Variants in ZNF100 observed in about 807,000 individuals in gnomAD.
ZNF100 encodes zinc finger protein 100.
In ZNF100, 12 loss-of-function variants were observed where a neutral mutation model predicts 15.8. The observed-to-expected ratio is 0.76, with a 90% confidence interval of 0.49 to 1.23. The LOEUF is 1.23. Among genes scored for constraint, ZNF100 ranks in the 50% most tolerant of loss-of-function variants. ZNF100 has a pLI of 0.00. For missense variants in ZNF100, 670 were observed against 635.6 expected (o/e 1.05, Z -0.58); for synonymous variants, 226 against 214.8 (o/e 1.05, Z -0.45).
At chr19:21,758,033 TA>T (rs879575684) in intron 2 of ZNF100, among the ~76,000 whole-genome samples, 28 of 150,824 alleles carry the variant, frequency 1.9e-4, no homozygotes, top group African/African-American at 5.9e-4. Flanking sequence ...GACACTGTCT[TA>T]AAAAAAAATA....
chr19:21,766,242 T>C (rs1280169656), intron 1 of ZNF100, among the ~76,000 whole-genome samples: 1 of 152,056 alleles, frequency 6.6e-6, no homozygotes, highest in Non-Finnish European at 1.5e-5. Context: ...GGAAATTTAG[T>C]ATCTTACTGC....
intron 4 of ZNF100, among the ~76,000 whole-genome samples, chr19:21,740,070 A>AAT (rs1160382358): frequency 6.6e-6 from 1 of 152,160 alleles, no homozygotes; most frequent in African/African-American, 2.4e-5. Flanking sequence ...ATACTTCCCG[A>AAT]TTTTAAAACA....
rs1406755669 is a variant in ZNF100 at position 21,725,206 on chromosome 19, G to C, written c.*1477C>G. 6.6e-6 allele frequency: 1 copy of C among 152,068 alleles called. No individual in the cohort carries two copies. The highest frequency in any genetic ancestry group is 1.5e-5 in the Non-Finnish European group (1 of 68,016). The allele number at this position is 152,068 out of a possible 1,614,324, so 9.4% of individuals were successfully genotyped here. On this transcript the variant is annotated 3_prime_UTR_variant, in exon 5 of 5. Transcript: ENST00000358296. ...GTTACCATGTTTTACGTACACCCTT[G>C]AGTAAGGTGGAATAGGTTAATGTCT...
At chr19:21,766,594 TTTC>T (rs1191680610) in intron 1 of ZNF100, among the ~76,000 whole-genome samples, 1 of 152,092 alleles carries the variant, frequency 6.6e-6, no homozygotes, top group African/African-American at 2.4e-5. Flanking sequence ...TAAATTTAGT[TTTC>T]TTCATCATAC....
intron 2 of ZNF100, among the ~76,000 whole-genome samples, chr19:21,760,691 C>A (rs1359839003): frequency 6.7e-6 from 1 of 148,686 alleles, no homozygotes; most frequent in East Asian, 2.0e-4. Flanking sequence ...GATAGGTGTT[C>A]TTAAATGCAA....
In ZNF100 at chr19:21,736,151, G is replaced by A. The variant is rs142755505; in HGVS notation, c.322+7866C>T. On this transcript the variant is annotated intron_variant, in intron 4 of 4. Transcript: ENST00000358296. ...TGCCCATGCTAGAGTGCAATGGCGC[G>A]ATCTTGGCTCACTGCAACCTTCACT... Among the ~76,000 whole-genome samples the A allele has an allele frequency of 3.7e-3, 564 of 151,896 alleles. 1 individual carries two copies. The highest frequency in any genetic ancestry group is 6.8e-3 in the Non-Finnish European group (464 of 67,988).
At position 21,723,373 on chromosome 19, in the gene ZNF100, A is replaced by AAAAAAAAAAAC. The variant is rs2035715913; in HGVS notation, c.*3299_*3309dup. ...GAGACTCTGTCTCAAAAAAAAAAAA[A>AAAAAAAAAAAC]AAAAAAAAAACAACCAACTTTCTCG... On this transcript the variant is annotated 3_prime_UTR_variant, in exon 5 of 5. Coordinates refer to ENST00000358296, the MANE Select transcript of ZNF100 (RefSeq NM_173531.4). 1 of 151,448 alleles carries AAAAAAAAAAAC rather than the reference A, an allele frequency of 6.6e-6. No individual in the cohort carries two copies. The highest frequency in any genetic ancestry group is 6.7e-5 in the Admixed American group (1 of 14,996). 9.4% of individuals were successfully genotyped at this position (151,448 alleles called of 1,614,324 possible).
chr19:21,737,002 A>C (rs949443947), intron 4 of ZNF100, among the ~76,000 whole-genome samples: 1 of 152,132 alleles, frequency 6.6e-6, no homozygotes, highest in African/African-American at 2.4e-5. Flanking sequence ...CCAAGAGCAA[A>C]CAAACCCCAA....
chr19:21,734,361 G>A (rs1441566249), intron 4 of ZNF100, among the ~76,000 whole-genome samples: 3 of 152,022 alleles, frequency 2.0e-5, no homozygotes, highest in African/African-American at 7.3e-5. Context: ...AGTTTAGAGA[G>A]GAACATAAAC....
chr19:21,765,563 A>T, intron 2 of ZNF100, 131 bp downstream of exon 2: 1 of 757,404 alleles, frequency 1.3e-6, no homozygotes, highest in South Asian at 1.9e-5. Context: ...CCCCCCTTAG[A>T]TGATCCAGGG....
intron 2 of ZNF100, among the ~76,000 whole-genome samples, chr19:21,760,793 G>C (rs1034539536): frequency 4.1e-5 from 5 of 121,878 alleles, no homozygotes; most frequent in Admixed American, 1.1e-4. Flanking sequence ...GTCTCACTCT[G>C]TCGCCCAGGC....
Position 21,727,646 on chromosome 19 carries a change from T to C in ZNF100, c.666A>G (p.Gln222=), listed in dbSNP as rs2035832568. The C allele has an allele frequency of 1.9e-6, 3 of 1,611,854 alleles. No individual in the cohort carries two copies. Among genetic ancestry groups the C allele is most frequent in the Non-Finnish European group, 1.7e-6 (2 of 1,179,348 alleles). The change falls in exon 5 of 5, where the codon CAA becomes CAG. Residue 222 remains glutamine (Q), a synonymous_variant. Transcript: ENST00000358296. ...TCTCTGTAATATGAAATCTTTTATG[T>C]TGAGTTAGGTGTAAAAGCATGCAAA... The part of the protein sequence containing the change: ...KSFCMLLHLT[Q]HKRFHITENS...
intron 4 of ZNF100, among the ~76,000 whole-genome samples, chr19:21,733,497 G>A (rs1197286861): frequency 6.6e-6 from 1 of 152,038 alleles, no homozygotes; most frequent in Non-Finnish European, 1.5e-5. Flanking sequence ...ATCAAAGCAA[G>A]TCACAACAAA....
chr19:21,734,567 C>A (rs1006309293), intron 4 of ZNF100, among the ~76,000 whole-genome samples: 1 of 151,818 alleles, frequency 6.6e-6, no homozygotes, highest in African/African-American at 2.4e-5. Flanking sequence ...TGTAAACAGA[C>A]CAAACTTACA....
intron 4 of ZNF100, among the ~76,000 whole-genome samples, chr19:21,728,834 A>T (rs1402822884): frequency 6.6e-6 from 1 of 152,000 alleles, no homozygotes; most frequent in Non-Finnish European, 1.5e-5. Context: ...AAAAATTGAA[A>T]ATAAATTGAA....
At chr19:21,735,134 T>C (rs2035984852) in intron 4 of ZNF100, among the ~76,000 whole-genome samples, 1 of 152,044 alleles carries the variant, frequency 6.6e-6, no homozygotes, top group Non-Finnish European at 1.5e-5. Flanking sequence ...ACAAAACAAC[T>C]ACGTCAACAG....
At chr19:21,744,374 T>C (rs1252164924) in intron 3 of ZNF100, among the ~76,000 whole-genome samples, 2 of 152,132 alleles carry the variant, frequency 1.3e-5, no homozygotes, top group African/African-American at 4.8e-5. Flanking sequence ...TACATATATA[T>C]ACATTTATTT....
chr19:21,752,650 T>A (rs1246240287), intron 2 of ZNF100: 1 of 152,548 alleles, frequency 6.6e-6, no homozygotes, highest in Non-Finnish European at 1.5e-5. Context: ...TTCTGATAAT[T>A]TTTATCTTAT....
At chr19:21,734,105 G>A (rs1462671369) in intron 4 of ZNF100, among the ~76,000 whole-genome samples, 3 of 152,190 alleles carry the variant, frequency 2.0e-5, no homozygotes, top group Admixed American at 6.5e-5. Flanking sequence ...ATGACGATCA[G>A]AAGAATCAAC....
Sources: gnomAD v4.1 joint callset for allele counts (sites outside exome capture counted in the v4.1 genomes callset) on GRCh38, gnomAD v4.1.1 for gene constraint, MANE v1.5 for transcripts, NCBI Gene and HGNC (gene_info 2026-07-23, HGNC 2026-07-21) for gene names.